The following GRM5 variants were observed in gnomAD, a reference collection of about 807,000 sequenced individuals.
GRM5 encodes glutamate metabotropic receptor 5, also known as metabotropic glutamate receptor 5.
In GRM5, 19 loss-of-function variants were observed where a neutral mutation model predicts 83.1. The ratio of observed to expected loss-of-function variants is 0.23; its 90% CI spans 0.16 to 0.34. The LOEUF (loss-of-function observed/expected upper bound fraction) is 0.34, where lower values mean the gene tolerates loss of function less well. Ranked by LOEUF, GRM5 falls within the 10% of genes least tolerant of loss-of-function variation. GRM5 has a pLI of 1.00. For synonymous variants in GRM5, 675 were observed against 633.6 expected, an observed-to-expected ratio of 1.07 and a Z score of -0.98; for missense variants, 1,160 against 1,588.3, an observed-to-expected ratio of 0.73 and a Z score of 4.58.
chr11:88,779,471 G>C (rs1942929794), intron 3 of GRM5, among the ~76,000 whole-genome samples: 1 of 152,164 alleles, frequency 6.6e-6, no homozygotes, highest in South Asian at 2.1e-4. Flanking sequence ...GTCGAGTCTA[G>C]ATAAGTGCTC....
intron 7 of GRM5, among the ~76,000 whole-genome samples, chr11:88,587,905 C>T (rs1215790143): frequency 1.3e-5 from 2 of 152,110 alleles, no homozygotes; most frequent in African/African-American, 4.8e-5. Flanking sequence ...TTTTCCTTTC[C>T]CTATGTAAAA....
chr11:88,976,639 C>T (rs962888595), intron 2 of GRM5, among the ~76,000 whole-genome samples: 5 of 152,100 alleles, frequency 3.3e-5, no homozygotes, highest in Admixed American at 3.3e-4. Context: ...AGTTTTTCAA[C>T]ACTGTATTCT....
At chr11:88,633,049 A>T (rs1157272762) in intron 4 of GRM5, among the ~76,000 whole-genome samples, 1 of 152,210 alleles carries the variant, frequency 6.6e-6, no homozygotes, top group Non-Finnish European at 1.5e-5. Context: ...TTATCAAAGA[A>T]GATGTATGGT....
At chr11:88,559,281 G>A (rs1018890529) in intron 8 of GRM5, among the ~76,000 whole-genome samples, 31 of 152,104 alleles carry the variant, frequency 2.0e-4, no homozygotes, top group Non-Finnish European at 3.1e-4. Context: ...ATTCCTTGGC[G>A]GGGAGTTCTA....
chr11:88,984,941 T>A (rs1393773968), intron 2 of GRM5: 1 of 589,916 alleles, frequency 1.7e-6, no homozygotes, highest in East Asian at 2.9e-5. Flanking sequence ...TTTTAATAAT[T>A]TGACTCACTT....
At chr11:88,539,784 G>A (rs576492764) in intron 8 of GRM5, among the ~76,000 whole-genome samples, 51 of 152,172 alleles carry the variant, frequency 3.4e-4, no homozygotes, top group African/African-American at 1.0e-3. Flanking sequence ...ACGCTGCTGC[G>A]ATTTAGGCTG....
chr11:88,877,355 A>G (rs561514002), intron 2 of GRM5, among the ~76,000 whole-genome samples: 2 of 152,278 alleles, frequency 1.3e-5, no homozygotes, highest in Non-Finnish European at 2.9e-5. Flanking sequence ...GAAAGACTAC[A>G]GTGAAAAAAA....
At chr11:88,516,892 C>A (rs1470892567) in intron 9 of GRM5, among the ~76,000 whole-genome samples, 1 of 151,972 alleles carries the variant, frequency 6.6e-6, no homozygotes, top group Non-Finnish European at 1.5e-5. Flanking sequence ...TTGTTGCTTC[C>A]TCAAAGACAA....
At chr11:88,660,243 T>G (rs1565175615) in intron 3 of GRM5, among the ~76,000 whole-genome samples, 1 of 152,200 alleles carries the variant, frequency 6.6e-6, no homozygotes, top group Non-Finnish European at 1.5e-5. Context: ...TTCCAGTCAC[T>G]GAATTATCAT....
chr11:88,766,822 C>T (rs888472854), intron 3 of GRM5, among the ~76,000 whole-genome samples: 1 of 152,046 alleles, frequency 6.6e-6, no homozygotes, highest in East Asian at 1.9e-4. Context: ...GTCTAATATC[C>T]GGTATCTACA....
chr11:88,705,512 T>C (rs1272505450), intron 3 of GRM5, among the ~76,000 whole-genome samples: 2 of 152,054 alleles, frequency 1.3e-5, no homozygotes, highest in East Asian at 3.9e-4. Context: ...TTAGCTTTTG[T>C]GGTGAGGATG....
chr11:88,553,664 G>C (rs1942561479), intron 8 of GRM5, among the ~76,000 whole-genome samples: 1 of 152,100 alleles, frequency 6.6e-6, no homozygotes, highest in Non-Finnish European at 1.5e-5. Context: ...AGGGGGAATT[G>C]GTAGAACTTG....
intron 2 of GRM5, among the ~76,000 whole-genome samples, chr11:88,960,204 T>A (rs1278258179): frequency 1.3e-5 from 2 of 152,166 alleles, no homozygotes; most frequent in African/African-American, 4.8e-5. Flanking sequence ...AGTAGGGAAC[T>A]GATTATGTAG....
At chr11:88,573,829 A>T (rs1943053622) in intron 7 of GRM5, among the ~76,000 whole-genome samples, 1 of 152,130 alleles carries the variant, frequency 6.6e-6, no homozygotes, top group Admixed American at 6.5e-5. Context: ...ACCTCTCTGG[A>T]TTTGGATCTC....
At chr11:89,040,309 A>C (rs573736884) in intron 2 of GRM5, among the ~76,000 whole-genome samples, 2 of 152,210 alleles carry the variant, frequency 1.3e-5, no homozygotes, top group Non-Finnish European at 2.9e-5. Flanking sequence ...TTCACTATCA[A>C]ATTAACAGGA....
In GRM5 at chr11:88,509,232, A is replaced by G; in HGVS notation, c.2999T>C (p.Leu1000Pro). 1.3e-6 allele frequency: 2 copies of G among 1,509,306 alleles called. No individual in the cohort carries two copies. The highest frequency in any genetic ancestry group is 1.8e-6 in the Non-Finnish European group (2 of 1,131,560). 93.5% of individuals were successfully genotyped at this position (1,509,306 alleles called of 1,614,324 possible). A position where few individuals can be genotyped will look rare whatever the true frequency, so the allele number is the denominator to read the frequency against. ...PESPDAGPKA[L>P]YDVAEAEEHF... The stretch of plus-strand genomic sequence containing the variant: ...CTCCTCAGCCTCGGCCACATCATAC[A>G]GCGCCTTGGGGCCGGCGTCTGGGGA... The change falls in exon 10 of 10, where the codon CTG becomes CCG. Residue 1000 changes from leucine to proline, a missense_variant. This residue lies in a region of GRM5 where 562 missense variants were observed against 532.4 expected (regional missense o/e 1.06). Transcript: ENST00000305447.
intron 3 of GRM5, among the ~76,000 whole-genome samples, chr11:88,823,345 T>A (rs1399164856): frequency 6.6e-6 from 1 of 151,864 alleles, no homozygotes; most frequent in Non-Finnish European, 1.5e-5. Context: ...ATGCTGTATA[T>A]TTTGTTTTGT....
intron 3 of GRM5, among the ~76,000 whole-genome samples, chr11:88,771,123 C>A (rs920253084): frequency 6.6e-6 from 1 of 152,042 alleles, no homozygotes; most frequent in Non-Finnish European, 1.5e-5. Context: ...GATCACCTAG[C>A]CCTGGCCTGT....
chr11:88,745,922 A>G (rs1312391304), intron 3 of GRM5, among the ~76,000 whole-genome samples: 3 of 152,224 alleles, frequency 2.0e-5, no homozygotes, highest in African/African-American at 7.2e-5. Context: ...CCTTGGGAAT[A>G]TTATTTAGTC....
Sources: gnomAD v4.1 joint callset for allele counts (sites outside exome capture counted in the v4.1 genomes callset) on GRCh38, gnomAD v4.1.1 for gene constraint, gnomAD v4.1.1 regional missense constraint, MANE v1.5 for transcripts, NCBI Gene and HGNC (gene_info 2026-07-23, HGNC 2026-07-21) for gene names.